The following ZNF804A variants were observed in gnomAD, a reference collection of about 807,000 sequenced individuals.
ZNF804A encodes the protein zinc finger protein 804A.
Under a neutral mutation model 16.5 loss-of-function variants are expected in ZNF804A, and 2 were observed. That is an observed-to-expected ratio of 0.12 (90% CI 0.05 to 0.38). The LOEUF is 0.38. ZNF804A is among the 10% of genes least tolerant of loss of function. The probability of loss-of-function intolerance (pLI) is 0.99; values close to 1 mark genes in which losing one functional copy is unlikely to be tolerated. For synonymous variants in ZNF804A, 534 were observed against 489.6 expected, an observed-to-expected ratio of 1.09 and a Z score of -1.20; for missense variants, 1,473 against 1,390.7, an observed-to-expected ratio of 1.06 and a Z score of -0.94.
intron 1 of ZNF804A, among the ~76,000 whole-genome samples, chr2:184,712,328 T>A (rs551225406): frequency 6.6e-6 from 1 of 151,926 alleles, no homozygotes; most frequent in Admixed American, 6.6e-5. Flanking sequence ...GCAATTTTTT[T>A]ATTTCATCCT....
intron 1 of ZNF804A, among the ~76,000 whole-genome samples, chr2:184,763,140 G>A (rs928182614): frequency 6.6e-6 from 1 of 152,090 alleles, no homozygotes; most frequent in African/African-American, 2.4e-5. Flanking sequence ...GATCTAAGAT[G>A]CTACAGGATG....
chr2:184,804,873 A>G (rs2105784216), intron 1 of ZNF804A, among the ~76,000 whole-genome samples: 1 of 152,358 alleles, frequency 6.6e-6, no homozygotes, highest in South Asian at 2.1e-4. Context: ...AGGATTAGCT[A>G]TAGCTATATC....
At chr2:184,679,528 G>T (rs565385200) in intron 1 of ZNF804A, among the ~76,000 whole-genome samples, 1 of 152,076 alleles carries the variant, frequency 6.6e-6, no homozygotes, top group Admixed American at 6.6e-5. Context: ...CTGCACTCCC[G>T]GGGGCTCAGG....
chr2:184,890,344 A>G (rs997266545), intron 2 of ZNF804A, among the ~76,000 whole-genome samples: 2 of 152,144 alleles, frequency 1.3e-5, no homozygotes, highest in African/African-American at 4.8e-5. Context: ...TGGGCTGCAG[A>G]AGCTCATTTG....
intron 1 of ZNF804A, among the ~76,000 whole-genome samples, chr2:184,816,799 C>T (rs1694989893): frequency 6.6e-6 from 1 of 151,916 alleles, no homozygotes; most frequent in African/African-American, 2.4e-5. Flanking sequence ...TCTCACTCCT[C>T]TACTCAGATG....
At chr2:184,606,756 A>C (rs978464294) in intron 1 of ZNF804A, among the ~76,000 whole-genome samples, 25 of 151,992 alleles carry the variant, frequency 1.6e-4, no homozygotes, top group Non-Finnish European at 2.4e-4. Context: ...AGCCTGTAGG[A>C]CCTGCCTTCA....
intron 1 of ZNF804A, among the ~76,000 whole-genome samples, chr2:184,808,650 C>T (rs906282562): frequency 8.6e-5 from 13 of 150,304 alleles, no homozygotes; most frequent in Non-Finnish European, 1.9e-4. Flanking sequence ...ACTTTTATGC[C>T]TAAAGACACA....
At chr2:184,900,487 G>A (rs1685162875) in intron 2 of ZNF804A, among the ~76,000 whole-genome samples, 1 of 152,080 alleles carries the variant, frequency 6.6e-6, no homozygotes, top group Admixed American at 6.6e-5. Context: ...CAATTTGGCA[G>A]GGGAATAAAT....
rs767120954 is a variant in ZNF804A at position 184,938,922 on chromosome 2, G to A, written c.3526G>A (p.Val1176Ile). 6.2e-6 allele frequency: 10 copies of A among 1,613,608 alleles called. No homozygotes were observed. The highest frequency in any genetic ancestry group is 3.3e-5 in the South Asian group (3 of 91,064). Residue 1176 changes from valine to isoleucine, a missense_variant, in exon 4 of 4, where the codon GTT becomes ATT. Val to Ile is a conservative substitution (Grantham distance 29). Transcript: ENST00000302277. ...PPQMPIIPAS[V>I]LHPSHLAFPS... Reference sequence around the variant, plus strand: ...TCAGATGCCAATCATTCCAGCTTCCGTTCTTCATCCTAGCCATCTGGCTTT... The same window carrying A: ...TCAGATGCCAATCATTCCAGCTTCCATTCTTCATCCTAGCCATCTGGCTTT...
chr2:184,737,512 A>G (rs772571212), intron 1 of ZNF804A, among the ~76,000 whole-genome samples: 28 of 152,156 alleles, frequency 1.8e-4, no homozygotes, highest in Non-Finnish European at 2.9e-5. Context: ...AAAACCTTAT[A>G]CTTGGTGCTT....
chr2:184,814,785 T>C (rs1694954638), intron 1 of ZNF804A, among the ~76,000 whole-genome samples: 1 of 152,052 alleles, frequency 6.6e-6, no homozygotes. Flanking sequence ...AAATGAGATC[T>C]CCGTCACCTG....
At chr2:184,685,180 G>T (rs1242859972) in intron 1 of ZNF804A, among the ~76,000 whole-genome samples, 1 of 152,110 alleles carries the variant, frequency 6.6e-6, no homozygotes, top group Non-Finnish European at 1.5e-5. Flanking sequence ...TGGCATAGGT[G>T]CTGGCTTCGT....
intron 1 of ZNF804A, among the ~76,000 whole-genome samples, chr2:184,757,930 A>C (rs1057027423): frequency 6.6e-6 from 1 of 152,056 alleles, no homozygotes; most frequent in African/African-American, 2.4e-5. Context: ...AGGGAAATAG[A>C]AAAACTTGAG....
intron 1 of ZNF804A, among the ~76,000 whole-genome samples, chr2:184,801,335 G>C (rs1421570007): frequency 6.6e-6 from 1 of 152,074 alleles, no homozygotes; most frequent in Admixed American, 6.5e-5. Context: ...TTTGTTATCT[G>C]TCAAAATTTT....
At chr2:184,835,417 C>A (rs748718252) in intron 1 of ZNF804A, among the ~76,000 whole-genome samples, 8 of 152,004 alleles carry the variant, frequency 5.3e-5, no homozygotes, top group Non-Finnish European at 1.2e-4. Flanking sequence ...TTCTGGGTAT[C>A]CAGTGGTTGG....
At chr2:184,928,466 G>C (rs569207295) in intron 2 of ZNF804A, among the ~76,000 whole-genome samples, 1 of 152,190 alleles carries the variant, frequency 6.6e-6, no homozygotes, top group East Asian at 1.9e-4. Context: ...CTGCAGCCTG[G>C]GGTTAGGGGA....
At chr2:184,924,626 G>T (rs963100448) in intron 2 of ZNF804A, among the ~76,000 whole-genome samples, 1 of 149,780 alleles carries the variant, frequency 6.7e-6, no homozygotes, top group African/African-American at 2.4e-5. Flanking sequence ...TTGTTTTCTA[G>T]TTATTTAAGA....
chr2:184,669,665 A>G (rs535625771), intron 1 of ZNF804A, among the ~76,000 whole-genome samples: 39 of 152,176 alleles, frequency 2.6e-4, no homozygotes, highest in African/African-American at 8.7e-4. Flanking sequence ...TCAAATTTTT[A>G]TGGCTGAAGA....
At chr2:184,795,086 C>T (rs1310907025) in intron 1 of ZNF804A, among the ~76,000 whole-genome samples, 1 of 151,978 alleles carries the variant, frequency 6.6e-6, no homozygotes, top group Non-Finnish European at 1.5e-5. Flanking sequence ...CAGATATTTA[C>T]AGAACACCTA....
Sources: gnomAD v4.1 joint callset for allele counts (sites outside exome capture counted in the v4.1 genomes callset) on GRCh38, gnomAD v4.1.1 for gene constraint, MANE v1.5 for transcripts, NCBI Gene and HGNC (gene_info 2026-07-23, HGNC 2026-07-21) for gene names.